The following BTBD9 variants were observed in gnomAD, a reference collection of about 807,000 sequenced individuals.
BTBD9 encodes BTB/POZ domain-containing protein 9.
In BTBD9, 49 loss-of-function variants were observed where a neutral mutation model predicts 64.3. The ratio of observed to expected loss-of-function variants is 0.76; its 90% confidence interval spans 0.61 to 0.97. The LOEUF is 0.97. Ranked by LOEUF, BTBD9 falls within the 50% of genes least tolerant of loss-of-function variation. The pLI, the probability that BTBD9 is intolerant of heterozygous loss-of-function variation, is 0.00. For missense variants in BTBD9, 598 were observed against 762.1 expected (o/e 0.78, Z 2.53); for synonymous variants, 260 against 274.7 (o/e 0.95, Z 0.53).
chr6:38,246,765 A>T (rs1764222854), intron 9 of BTBD9, among the ~76,000 whole-genome samples: 1 of 152,230 alleles, frequency 6.6e-6, no homozygotes, highest in African/African-American at 2.4e-5. Flanking sequence ...TCACGCTTCT[A>T]GAAGGAACAA....
At chr6:38,596,795 C>T (rs1184919541) in intron 2 of BTBD9, among the ~76,000 whole-genome samples, 2 of 136,670 alleles carry the variant, frequency 1.5e-5, no homozygotes, top group African/African-American at 2.8e-5. Context: ...AGTGAGACTC[C>T]GTCTCAAAAA....
chr6:38,533,871 T>C (rs1164037663), intron 6 of BTBD9, among the ~76,000 whole-genome samples: 3 of 151,924 alleles, frequency 2.0e-5, no homozygotes, highest in African/African-American at 7.3e-5. Flanking sequence ...CCAAAACCTA[T>C]GGGATTCAAT....
intron 7 of BTBD9, among the ~76,000 whole-genome samples, chr6:38,306,200 G>T (rs1050124661): frequency 6.6e-6 from 1 of 152,128 alleles, no homozygotes; most frequent in Non-Finnish European, 1.5e-5. Flanking sequence ...CATCTGGATG[G>T]GACTGAGCTT....
intron 7 of BTBD9, among the ~76,000 whole-genome samples, chr6:38,344,629 T>G (rs1764212985): frequency 6.6e-6 from 1 of 152,136 alleles, no homozygotes; most frequent in South Asian, 2.1e-4. Context: ...AGTCTGAACA[T>G]CCAATCAATA....
chr6:38,305,798 A>C (rs928310317), intron 7 of BTBD9, among the ~76,000 whole-genome samples: 1 of 152,076 alleles, frequency 6.6e-6, no homozygotes, highest in Admixed American at 6.6e-5. Flanking sequence ...AAGACTATAA[A>C]AGGTCTTTTA....
At chr6:38,617,284 C>G (rs1255397916) in intron 1 of BTBD9, among the ~76,000 whole-genome samples, 3 of 152,112 alleles carry the variant, frequency 2.0e-5, no homozygotes, top group Admixed American at 6.5e-5. Flanking sequence ...CAGCCATGAG[C>G]AGAACTCTCA....
intron 8 of BTBD9, among the ~76,000 whole-genome samples, chr6:38,269,108 T>G (rs768472560): frequency 3.9e-5 from 6 of 152,214 alleles, no homozygotes; most frequent in Non-Finnish European, 8.8e-5. Flanking sequence ...ATAAGTACAT[T>G]TTTCTGTTTG....
chr6:38,621,374 A>G (rs929551757), intron 1 of BTBD9, among the ~76,000 whole-genome samples: 7 of 152,234 alleles, frequency 4.6e-5, no homozygotes, highest in African/African-American at 1.7e-4. Context: ...ATTGTAGCCC[A>G]GACTTATGCC....
chr6:38,611,351 T>C (rs1295403080), intron 1 of BTBD9, among the ~76,000 whole-genome samples: 3 of 152,174 alleles, frequency 2.0e-5, no homozygotes, highest in African/African-American at 7.2e-5. Context: ...ATAACAAGAA[T>C]GGATTTCTCT....
At chr6:38,464,565 G>A (rs745538788) in intron 6 of BTBD9, among the ~76,000 whole-genome samples, 7 of 151,784 alleles carry the variant, frequency 4.6e-5, no homozygotes, top group South Asian at 2.1e-4. Context: ...GCACAATCTC[G>A]GCTCACTGCA....
At chr6:38,452,169 G>A (rs1769585701) in intron 6 of BTBD9, among the ~76,000 whole-genome samples, 1 of 152,004 alleles carries the variant, frequency 6.6e-6, no homozygotes, top group African/African-American at 2.4e-5. Context: ...TTTACAAACT[G>A]TGGTTAATTT....
chr6:38,354,777 TA>T (rs1174029818), intron 6 of BTBD9, among the ~76,000 whole-genome samples: 1 of 152,072 alleles, frequency 6.6e-6, no homozygotes, highest in African/African-American at 2.4e-5. Context: ...TGAGCATCAA[TA>T]AACTTATGCA....
chr6:38,249,671 C>T (rs997385056), intron 9 of BTBD9, among the ~76,000 whole-genome samples: 6 of 150,422 alleles, frequency 4.0e-5, no homozygotes, highest in East Asian at 1.9e-4. Context: ...TTCTTCCCTT[C>T]GGGAGTCTTT....
At chr6:38,476,186 T>G (rs1284525421) in intron 6 of BTBD9, among the ~76,000 whole-genome samples, 2 of 152,206 alleles carry the variant, frequency 1.3e-5, no homozygotes, top group Non-Finnish European at 2.9e-5. Flanking sequence ...CTTTAAAAAT[T>G]GTTTTCAAGG....
chr6:38,341,011 C>T (rs1278499520), intron 7 of BTBD9, among the ~76,000 whole-genome samples: 1 of 152,160 alleles, frequency 6.6e-6, no homozygotes, highest in Admixed American at 6.5e-5. Context: ...GGCCAAAATC[C>T]AGACTGGTAG....
rs1185535430 is a variant in BTBD9 at position 38,358,631 on chromosome 6, GTCCATTCCATTTTACTGCTTAC to G, written c.1155-13560_1155-13539del. ...AGTAGGAAGAGAGCTTTCAACAAGG[GTCCATTCCATTTTACTGCTTAC>G]TCCAGGGAGGCCAAAGAAATCCTCT... On this transcript the variant is annotated intron_variant, in intron 6 of 10. Transcript: ENST00000481247. 1.8e-4 allele frequency among the ~76,000 whole-genome samples: 27 copies of G among 152,242 alleles called. 2 individuals carry two copies. In the East Asian group the frequency reaches 2.9e-3, roughly 16 times the overall value.
intron 6 of BTBD9, among the ~76,000 whole-genome samples, chr6:38,441,131 C>A (rs1017798984): frequency 6.6e-6 from 1 of 152,180 alleles, no homozygotes; most frequent in Non-Finnish European, 1.5e-5. Context: ...CTAAGGAGCA[C>A]AGAAACACTG....
intron 6 of BTBD9, among the ~76,000 whole-genome samples, chr6:38,500,372 GA>G (rs1290260166): frequency 6.6e-6 from 1 of 151,798 alleles, no homozygotes; most frequent in Non-Finnish European, 1.5e-5. Flanking sequence ...TTTATACCAT[GA>G]AAAAAAATAA....
intron 6 of BTBD9, among the ~76,000 whole-genome samples, chr6:38,473,525 A>G (rs183598083): frequency 6.6e-6 from 1 of 152,338 alleles, no homozygotes; most frequent in East Asian, 1.9e-4. Flanking sequence ...GCCCTCATTC[A>G]TCACTTCTGA....
Sources: gnomAD v4.1 joint callset for allele counts (sites outside exome capture counted in the v4.1 genomes callset) on GRCh38, gnomAD v4.1.1 for gene constraint, MANE v1.5 for transcripts, NCBI Gene and HGNC (gene_info 2026-07-23, HGNC 2026-07-21) for gene names.